Variants in KRT8 observed in about 807,000 individuals in gnomAD.
KRT8 encodes keratin, type II cytoskeletal 8.
Under a neutral mutation model 43.0 loss-of-function variants are expected in KRT8, and 24 were observed. The ratio of observed to expected loss-of-function variants is 0.56; its 90% CI spans 0.40 to 0.78. KRT8 has a LOEUF of 0.78. Among genes scored for constraint, KRT8 ranks in the 30% least tolerant of loss-of-function variants. KRT8 has a pLI of 0.00. For missense variants in KRT8, 492 were observed against 638.4 expected (o/e 0.77, Z 2.47); for synonymous variants, 214 against 261.2 (o/e 0.82, Z 1.74).
At position 52,900,829 on chromosome 12, in the gene KRT8, T is replaced by A. The variant is rs905740112; in HGVS notation, c.595-146A>T. On this transcript the variant is annotated intron_variant, in intron 3 of 7. Coordinates refer to ENST00000692008, the Ensembl canonical transcript of KRT8. ...GATCTTCCAGCCCAGCCTCTGCCCATCACATGTGCATTCTCAGCCCACACA... is the reference window on the plus strand; with the variant it reads ...GATCTTCCAGCCCAGCCTCTGCCCAACACATGTGCATTCTCAGCCCACACA... The A allele has an allele frequency of 1.9e-5, 13 of 684,606 alleles. No individual in the cohort carries two copies. The South Asian group carries it at 2.1e-4, about 11-fold the overall frequency. 42.4% of individuals were successfully genotyped at this position (684,606 alleles called of 1,614,324 possible).
intron 2 of KRT8, among the ~76,000 whole-genome samples, chr12:52,917,837 G>A (rs1016793015): frequency 1.5e-4 from 22 of 151,596 alleles, no homozygotes; most frequent in African/African-American, 3.4e-4. Flanking sequence ...CTGAGATTGC[G>A]CCTCTGTACT....
chr12:52,906,908 AC>A (rs1941532566), upstream of KRT8: 2 of 373,000 alleles, frequency 5.4e-6, no homozygotes, highest in Non-Finnish European at 1.1e-5. Context: ...GGACAGAGAG[AC>A]CCAGAAGCCC....
chr12:52,904,287 G>A (rs1941456231), intron 1 of KRT8, among the ~76,000 whole-genome samples: 1 of 152,180 alleles, frequency 6.6e-6, no homozygotes, highest in Non-Finnish European at 1.5e-5. Flanking sequence ...GGGTTGGGGT[G>A]AGAACAATAA....
upstream of KRT8, chr12:52,905,219 C>G (rs548670634): frequency 1.5e-6 from 1 of 647,932 alleles, no homozygotes; most frequent in Non-Finnish European, 2.5e-6. Context: ...AGAGAGCTGC[C>G]GCCACCCAAG....
chr12:52,897,660 C>A (rs763582296), intron 7 of KRT8, 42 bp from the exon 8 acceptor site: 1 of 1,597,468 alleles, frequency 6.3e-7, no homozygotes, highest in South Asian at 1.1e-5. Flanking sequence ...CAGAAGCCCA[C>A]CCCATGGCAG....
chr12:52,940,385 A>T (rs1429641133), intron 2 of KRT8, among the ~76,000 whole-genome samples: 2 of 149,638 alleles, frequency 1.3e-5, no homozygotes, highest in African/African-American at 4.9e-5. Context: ...GTGAACCAAG[A>T]TCATGCCACT....
At chr12:52,899,008 C>A (rs1941293476) in intron 5 of KRT8, 109 bp from the exon 6 acceptor site, 2 of 950,580 alleles carry the variant, frequency 2.1e-6, no homozygotes, top group Non-Finnish European at 3.3e-6. Context: ...CTGACTCCCC[C>A]CAGCTCAAAT....
At chr12:52,902,280 C>T in intron 1 of KRT8, 1 of 594,670 alleles carries the variant, frequency 1.7e-6, no homozygotes, top group Non-Finnish European at 3.0e-6. Context: ...TGTCCCTCAG[C>T]ATTGGGTAGG....
At chr12:52,949,627 C>T (rs1228843974) in intron 1 of KRT8, 2 of 1,560,370 alleles carry the variant, frequency 1.3e-6, no homozygotes, top group Admixed American at 1.7e-5. Flanking sequence ...CCAGCCTTGT[C>T]TGACCCTCCA....
At chr12:52,905,162 C>T, upstream of KRT8, 1 of 1,214,974 alleles carries the variant, frequency 8.2e-7, no homozygotes, top group South Asian at 1.7e-5. Context: ...GGGGCTGGGC[C>T]TAACCCGTCA....
At chr12:52,932,477 T>C (rs1448001370) in intron 2 of KRT8, among the ~76,000 whole-genome samples, 1 of 152,158 alleles carries the variant, frequency 6.6e-6, no homozygotes, top group Non-Finnish European at 1.5e-5. Context: ...TTTGTGTTTG[T>C]TTTTTTCTTT....
At chr12:52,923,293 G>A (rs1386456239) in intron 2 of KRT8, among the ~76,000 whole-genome samples, 1 of 152,222 alleles carries the variant, frequency 6.6e-6, no homozygotes, top group Non-Finnish European at 1.5e-5. Flanking sequence ...AATAGCCTGT[G>A]TTCTAGTCTC....
chr12:52,898,869 C>T, exon 6 of KRT8: 2 of 1,613,344 alleles, frequency 1.2e-6, no homozygotes, highest in African/African-American at 2.7e-5. Context: ...CGCTGCTCGG[C>T]ATCTGCAATG....
chr12:52,933,811 G>A (rs1269183421), intron 2 of KRT8, among the ~76,000 whole-genome samples: 1 of 151,714 alleles, frequency 6.6e-6, no homozygotes, highest in African/African-American at 2.4e-5. Context: ...TTTTAGTAGA[G>A]ACGGGGTTTC....
chr12:52,899,890 A>T (rs1170091740), exon 5 of KRT8: 4 of 1,612,764 alleles, frequency 2.5e-6, no homozygotes, highest in Non-Finnish European at 2.5e-6. Context: ...CAGGCTCTGC[A>T]GCTCCTCATA....
At chr12:52,914,552 A>C (rs564158495) in intron 2 of KRT8, among the ~76,000 whole-genome samples, 13 of 152,246 alleles carry the variant, frequency 8.5e-5, no homozygotes, top group African/African-American at 3.1e-4. Context: ...ACAAACAAAA[A>C]ATCCTTGCCT....
intron 2 of KRT8, among the ~76,000 whole-genome samples, chr12:52,918,107 A>G (rs1421500896): frequency 3.4e-5 from 5 of 145,864 alleles, no homozygotes; most frequent in African/African-American, 1.0e-4. Flanking sequence ...GAGGAAGAAG[A>G]AGAAGAAGAA....
chr12:52,912,477 C>T (rs1268556287), intron 2 of KRT8, among the ~76,000 whole-genome samples: 6 of 152,196 alleles, frequency 3.9e-5, no homozygotes. Flanking sequence ...TCCTGACACC[C>T]TGGAACTTGA....
At chr12:52,935,240 G>A (rs1469924877) in intron 2 of KRT8, among the ~76,000 whole-genome samples, 1 of 150,666 alleles carries the variant, frequency 6.6e-6, no homozygotes, top group Non-Finnish European at 1.5e-5. Context: ...AAATTAGCTG[G>A]GGGTGGCAGG....
Sources: gnomAD v4.1 joint callset for allele counts (sites outside exome capture counted in the v4.1 genomes callset) on GRCh38, gnomAD v4.1.1 for gene constraint, MANE v1.5 for transcripts, NCBI Gene and HGNC (gene_info 2026-07-23, HGNC 2026-07-21) for gene names.